TNFRSF13B: variants seen among roughly 807,000 people sequenced by gnomAD.
TNFRSF13B encodes tumor necrosis factor receptor superfamily member 13B.
In TNFRSF13B, 34 loss-of-function variants were observed where a neutral mutation model predicts 24.0. That is an observed-to-expected ratio of 1.41 (90% CI 1.08 to 1.88). The LOEUF (loss-of-function observed/expected upper bound fraction) is 1.88, where lower values mean the gene tolerates loss of function less well. Ranked by LOEUF, TNFRSF13B falls within the 40% of genes most tolerant of loss-of-function variation. The probability of loss-of-function intolerance (pLI) is 0.00; values close to 1 mark genes in which losing one functional copy is unlikely to be tolerated. For missense variants in TNFRSF13B, 415 were observed against 380.8 expected, an observed-to-expected ratio of 1.09 and a Z score of -0.75; for synonymous variants, 173 against 150.3, an observed-to-expected ratio of 1.15 and a Z score of -1.10.
At position 16,952,453 on chromosome 17, in the gene TNFRSF13B, G is replaced by T. The variant is rs1254973198; in HGVS notation, c.192C>A (p.Ala64=). The change falls in exon 2 of 5, where the codon GCC becomes GCA. Residue 64 remains alanine, a synonymous_variant. Transcript: ENST00000261652. ...TCAGGCCCCAGAACTCACTGCAGAA[G>T]GCTGCACAGGTGCGCTGGCTCTGAT... is the stretch of plus-strand genomic sequence containing the variant. ...CNHQSQRTCA[A]FCRSLSCRKE... The T allele has an allele frequency of 6.2e-6, 10 of 1,614,098 alleles. No homozygotes were observed. Among genetic ancestry groups the T allele is most frequent in the Non-Finnish European group, 8.5e-6 (10 of 1,179,946 alleles).
At chr17:16,941,056 C>G in intron 3 of TNFRSF13B, 1 of 609,656 alleles carries the variant, frequency 1.6e-6, no homozygotes, top group Non-Finnish European at 2.1e-6. Flanking sequence ...AGAGTCATCT[C>G]TAGATTACTT....
chr17:16,950,179 G>T (rs564483193), intron 2 of TNFRSF13B, among the ~76,000 whole-genome samples: 2 of 152,328 alleles, frequency 1.3e-5, no homozygotes, highest in Non-Finnish European at 2.9e-5. Context: ...GACAGTGCAG[G>T]ATAGTGGATA....
At chr17:16,950,513 T>A (rs2087581319) in intron 2 of TNFRSF13B, among the ~76,000 whole-genome samples, 1 of 152,186 alleles carries the variant, frequency 6.6e-6, no homozygotes, top group Non-Finnish European at 1.5e-5. Context: ...TAGGGAAAAC[T>A]CAGATGGCCC....
rs1302324930 is a variant in TNFRSF13B at position 16,940,401 on chromosome 17, G to A, written c.556C>T (p.Leu186Phe). The A allele has an allele frequency of 2.5e-6, 4 of 1,614,106 alleles. No homozygotes were observed. The highest frequency in any genetic ancestry group is 1.7e-5 in the Admixed American group (1 of 60,026). The change falls in exon 4 of 5, where the codon CTC becomes TTC. Residue 186 changes from leucine (L) to phenylalanine (F), a missense_variant. Coordinates refer to ENST00000261652, the MANE Select transcript of TNFRSF13B (RefSeq NM_012452.3). ...GAGCAGGGATCCCCCCTCTTCTTGA[G>A]GAAGCAGGCCACCGCCACCAGGAAG... The part of the protein sequence containing the change: ...CCFLVAVACF[L>F]KKRGDPCSCQ...
At chr17:16,962,259 C>T (rs2143678877) in intron 1 of TNFRSF13B, among the ~76,000 whole-genome samples, 1 of 152,304 alleles carries the variant, frequency 6.6e-6, no homozygotes, top group East Asian at 1.9e-4. Context: ...GTTCTCCAAT[C>T]ACTTTGGGAG....
At chr17:16,949,955 G>A (rs2087577430) in intron 2 of TNFRSF13B, among the ~76,000 whole-genome samples, 2 of 152,052 alleles carry the variant, frequency 1.3e-5, no homozygotes, top group Admixed American at 1.3e-4. Flanking sequence ...CAAAGTGCTG[G>A]GATTACAGGT....
At chr17:16,967,109 G>C (rs2087707170) in intron 1 of TNFRSF13B, among the ~76,000 whole-genome samples, 1 of 152,182 alleles carries the variant, frequency 6.6e-6, no homozygotes, top group African/African-American at 2.4e-5. Flanking sequence ...AAAGTGCTGG[G>C]ATTACAGGTG....
At chr17:16,944,574 C>A (rs1427682281) in intron 3 of TNFRSF13B, among the ~76,000 whole-genome samples, 1 of 152,182 alleles carries the variant, frequency 6.6e-6, no homozygotes, top group Non-Finnish European at 1.5e-5. Flanking sequence ...CCCCGTGTCA[C>A]CTGCAGCTGG....
intron 1 of TNFRSF13B, among the ~76,000 whole-genome samples, chr17:16,960,078 T>G (rs2087651671): frequency 6.6e-6 from 1 of 151,932 alleles, no homozygotes; most frequent in Non-Finnish European, 1.5e-5. Flanking sequence ...CATGAAAAGT[T>G]TATTCACCAT....
intron 1 of TNFRSF13B, among the ~76,000 whole-genome samples, chr17:16,969,879 T>C (rs2087731619): frequency 6.6e-6 from 1 of 152,134 alleles, no homozygotes; most frequent in Non-Finnish European, 1.5e-5. Flanking sequence ...TTCTCCCCAC[T>C]TTTGGGTTGG....
intron 4 of TNFRSF13B, 26 bp from the exon 5 acceptor site, chr17:16,939,823 G>C: frequency 6.2e-7 from 1 of 1,606,120 alleles, no homozygotes; most frequent in Non-Finnish European, 8.5e-7. Flanking sequence ...TGGAGGGCGT[G>C]GGCCAGGCCT....
At chr17:16,967,451 T>C (rs774051717) in intron 1 of TNFRSF13B, among the ~76,000 whole-genome samples, 2 of 151,788 alleles carry the variant, frequency 1.3e-5, no homozygotes, top group Non-Finnish European at 2.9e-5. Flanking sequence ...CATTAAAAAA[T>C]TGTGTTAAAA....
Position 16,966,253 on chromosome 17 carries a change from CA to C in TNFRSF13B, c.61+5761del, listed in dbSNP as rs894863885. On this transcript the variant is annotated intron_variant, in intron 1 of 4. Coordinates refer to ENST00000261652, the MANE Select transcript of TNFRSF13B (RefSeq NM_012452.3). ...TACGCAACAGAGTGAGACTCCATCTCAAAAAAAAAAACACCAAAAAAACAAA... is the reference window on the plus strand; with the variant it reads ...TACGCAACAGAGTGAGACTCCATCTCAAAAAAAAAACACCAAAAAAACAAA... Among the ~76,000 whole-genome samples, 498 of 127,520 alleles carry C rather than the reference CA, an allele frequency of 3.9e-3. 1 individual carries two copies. Among genetic ancestry groups the C allele is most frequent in the African/African-American group, 0.013 (444 of 34,194 alleles). 83.7% of individuals were successfully genotyped at this position (127,520 alleles called of 152,430 possible).
intron 1 of TNFRSF13B, among the ~76,000 whole-genome samples, chr17:16,955,827 T>C (rs2087621028): frequency 6.6e-6 from 1 of 152,182 alleles, no homozygotes; most frequent in Non-Finnish European, 1.5e-5. Flanking sequence ...GGGGAGAGCT[T>C]GATGGTAAAT....
Position 16,948,831 on chromosome 17 carries a change from G to T in TNFRSF13B, c.352C>A (p.Leu118Ile). 2 of 1,614,228 alleles carry T rather than the reference G, an allele frequency of 1.2e-6. No individual in the cohort carries two copies. The highest frequency in any genetic ancestry group is 1.7e-6 in the Non-Finnish European group (2 of 1,180,024). Residue 118 changes from leucine (L) to isoleucine (I), a missense_variant, in exon 3 of 5, where the codon CTC (leucine) becomes ATC (isoleucine). Leu to Ile is a conservative substitution (Grantham distance 5, BLOSUM62 2). Coordinates refer to ENST00000261652, the MANE Select transcript of TNFRSF13B (RefSeq NM_012452.3). ...ACTTCTCCACTCCGCTGTCTCCTGA[G>T]CTCTGGTGGAAGGTTCACTGGGCTC... is the stretch of plus-strand genomic sequence containing the variant. ...LRSPVNLPPE[L>I]RRQRSGEVEN...
intron 1 of TNFRSF13B, among the ~76,000 whole-genome samples, chr17:16,970,111 C>A (rs73292864): frequency 3.2e-4 from 49 of 152,292 alleles, no homozygotes; most frequent in African/African-American, 1.2e-3. Context: ...GGCCTGTCCC[C>A]GCCCCCTCCT....
In TNFRSF13B at chr17:16,939,460, C is replaced by G. The variant is rs922603626; in HGVS notation, c.*87G>C. 4.5e-6 allele frequency: 6 copies of G among 1,344,400 alleles called. No individual in the cohort carries two copies. Among genetic ancestry groups the G allele is most frequent in the African/African-American group, 1.5e-5 (1 of 67,124 alleles). 83.3% of individuals were successfully genotyped at this position (1,344,400 alleles called of 1,614,324 possible). ...TCTGCCTCCTCTGTCTCTCTCTCCT[C>G]ATATCTCTCTCCCCTCTCCCCACCT... On this transcript the variant is annotated 3_prime_UTR_variant, in exon 5 of 5. Coordinates refer to ENST00000261652, the MANE Select transcript of TNFRSF13B (RefSeq NM_012452.3).
chr17:16,951,086 A>G (rs139810152), intron 2 of TNFRSF13B, among the ~76,000 whole-genome samples: 15 of 152,342 alleles, frequency 9.8e-5, no homozygotes, highest in African/African-American at 1.7e-4. Context: ...GGATGAACCA[A>G]TGAATGTTCT....
intron 1 of TNFRSF13B, among the ~76,000 whole-genome samples, chr17:16,968,584 T>G (rs892457427): frequency 6.6e-6 from 1 of 152,166 alleles, no homozygotes; most frequent in African/African-American, 2.4e-5. Flanking sequence ...TAGACTTACA[T>G]GTAAGAGCTA....
Sources: allele counts gnomAD v4.1 joint callset (sites outside exome capture counted in the v4.1 genomes callset), GRCh38; gene constraint gnomAD v4.1.1; transcripts MANE v1.5; gene names NCBI Gene and HGNC (gene_info 2026-07-23, HGNC 2026-07-21).